The following MACF1 variants were observed in gnomAD, a reference collection of about 807,000 sequenced individuals.
MACF1 encodes the protein microtubule actin crosslinking factor 1, also known as microtubule-actin cross-linking factor 1.
In MACF1, 193 loss-of-function variants were observed where a neutral mutation model predicts 854.8. That is an observed-to-expected ratio of 0.23 (90% CI 0.20 to 0.25). The LOEUF is 0.25. Among genes scored for constraint, MACF1 ranks in the 10% least tolerant of loss-of-function variants. The pLI, the probability that MACF1 is intolerant of heterozygous loss-of-function variation, is 1.00. For synonymous variants in MACF1, 3,185 were observed against 3,226.7 expected, an observed-to-expected ratio of 0.99 and a Z score of 0.44; for missense variants, 7,722 against 8,929.1, an observed-to-expected ratio of 0.86 and a Z score of 5.45.
At chr1:39,287,589 A>G (rs1452173703) in intron 15 of MACF1, 27 bp downstream of exon 15, 2 of 1,612,070 alleles carry the variant, frequency 1.2e-6, no homozygotes. Context: ...AAGCTTATGC[A>G]GTACACTGAT....
At chr1:39,253,271 G>A (rs12073705) in intron 4 of MACF1, among the ~76,000 whole-genome samples, 4,707 of 152,120 alleles carry the variant, frequency 0.031, 238 homozygotes, top group African/African-American at 0.11. Context: ...ATGACATCTG[G>A]GATTGAGTGA....
Position 39,379,205 on chromosome 1 carries a change from C to T in MACF1, c.13279C>T (p.Leu4427=), listed in dbSNP as rs1177216503. 8.3e-5 allele frequency: 132 copies of T among 1,591,694 alleles called. No individual in the cohort carries two copies. The highest frequency in any genetic ancestry group is 1.1e-4 in the Non-Finnish European group (131 of 1,169,054). The stretch of plus-strand genomic sequence containing the variant: ...GATTTCTGTTTCTATGATACTAGAT[C>T]TGACGGAGATCCAGTGTGACATGTC... ...SVNGYHTCKD[L]TEIQCDMSDV... The change falls in exon 54 of 101, where the codon CTG becomes TTG. Residue 4427 remains leucine (L), a splice_region_variant and synonymous_variant. Transcript: ENST00000564288.
chr1:39,454,842 A>G, intron 88 of MACF1, 67 bp from the exon 89 acceptor site: 1 of 1,386,064 alleles, frequency 7.2e-7, no homozygotes, highest in Non-Finnish European at 9.9e-7. Context: ...TCAGATGAAA[A>G]AGGGCTTTGG....
Position 39,332,900 on chromosome 1 carries a change from G to A in MACF1, c.6312G>A (p.Glu2104=). ...ALKVINKVKL[E]VQRQLIGTQR... is the part of the protein sequence containing the mutation. ...AGGTAATAAATAAAGTCAAATTAGAGGTACAAAGGCAGTTGATAGGTACCC... is the reference window on the plus strand; with the variant it reads ...AGGTAATAAATAAAGTCAAATTAGAAGTACAAAGGCAGTTGATAGGTACCC... The change falls in exon 37 of 101, where the codon GAG becomes GAA. Residue 2104 remains glutamate (E), a synonymous_variant. Transcript: ENST00000564288. 1.2e-6 allele frequency: 2 copies of A among 1,614,056 alleles called. No individual in the cohort carries two copies. Among genetic ancestry groups the A allele is most frequent in the African/African-American group, 1.3e-5 (1 of 75,024 alleles).
At chr1:39,482,132 T>G (rs1242984205) in intron 99 of MACF1, among the ~76,000 whole-genome samples, 1 of 152,222 alleles carries the variant, frequency 6.6e-6, no homozygotes, top group African/African-American at 2.4e-5. Flanking sequence ...TTTTATTTTC[T>G]GTTTCATTTC....
chr1:39,102,440 G>GGGTCAA (rs1553130734), intron 2 of MACF1, among the ~76,000 whole-genome samples: 9 of 151,664 alleles, frequency 5.9e-5, no homozygotes, highest in Non-Finnish European at 1.0e-4. Context: ...GAGGCGGGGG[G>GGGTCAA]GGGGTCAAGG....
At chr1:39,183,761 C>G (rs542873345) in intron 2 of MACF1, among the ~76,000 whole-genome samples, 3 of 152,272 alleles carry the variant, frequency 2.0e-5, no homozygotes, top group African/African-American at 7.2e-5. Context: ...TCACTTCTTT[C>G]ATCATTTGCC....
rs551395020 is a variant in MACF1, at chr1:39,215,767, T to C, written c.109+10636T>C. Among the ~76,000 whole-genome samples, 12 of 146,760 alleles carry C rather than the reference T, an allele frequency of 8.2e-5. No individual in the cohort carries two copies. The South Asian group carries it at 2.3e-3, about 28-fold the overall frequency. The stretch of plus-strand genomic sequence containing the variant: ...TCCAGAGTGTATTTTTAGCAGAAGT[T>C]GGTTGGTTACGGAGTCCACCTCTGA... On this transcript the variant is annotated intron_variant, in intron 1 of 100. Coordinates refer to ENST00000564288, the MANE Select transcript of MACF1 (RefSeq NM_001394062.1).
At chr1:39,086,211 A>G (rs770644853) in intron 2 of MACF1, among the ~76,000 whole-genome samples, 1 of 152,186 alleles carries the variant, frequency 6.6e-6, no homozygotes, top group Non-Finnish European at 1.5e-5. Flanking sequence ...TGAGGATATT[A>G]TGTGATGTGA....
At chr1:39,295,445 G>C (rs531246487) in intron 19 of MACF1, among the ~76,000 whole-genome samples, 3 of 152,250 alleles carry the variant, frequency 2.0e-5, no homozygotes, top group Non-Finnish European at 4.4e-5. Context: ...GACAGATCCT[G>C]ACTTGACTCT....
At chr1:39,372,083 T>G (rs1200298089) in intron 51 of MACF1, among the ~76,000 whole-genome samples, 1 of 152,160 alleles carries the variant, frequency 6.6e-6, no homozygotes, top group African/African-American at 2.4e-5. Context: ...CCTCCCAAAG[T>G]GCTGGGATTA....
chr1:39,433,877 C>T (rs1318218068), intron 68 of MACF1, among the ~76,000 whole-genome samples: 2 of 152,036 alleles, frequency 1.3e-5, no homozygotes, highest in African/African-American at 2.4e-5. Flanking sequence ...GTCAGGAGTT[C>T]GAGACCAGCC....
chr1:39,418,207 G>A (rs1459498185), intron 58 of MACF1, among the ~76,000 whole-genome samples: 5 of 152,134 alleles, frequency 3.3e-5, no homozygotes, highest in African/African-American at 9.7e-5. Flanking sequence ...CAGTGGAGTG[G>A]ATAGTATAAA....
chr1:39,199,165 T>G (rs1046923100), intron 2 of MACF1, among the ~76,000 whole-genome samples: 12 of 151,792 alleles, frequency 7.9e-5, no homozygotes, highest in Non-Finnish European at 1.8e-4. Flanking sequence ...TTTTGTATTT[T>G]TAGTAGAGAT....
chr1:39,297,477 G>A, intron 20 of MACF1, 143 bp from the exon 21 acceptor site: 3 of 982,436 alleles, frequency 3.1e-6, no homozygotes, highest in Non-Finnish European at 4.5e-6. Context: ...ATGTTTCAGT[G>A]GTCCTTGTAA....
At chr1:39,453,957 A>C in intron 88 of MACF1, 107 bp downstream of exon 88, 2 of 1,329,798 alleles carry the variant, frequency 1.5e-6, no homozygotes, top group South Asian at 1.5e-5. Flanking sequence ...ACTGTGAATA[A>C]CTCAGCAAAA....
chr1:39,290,597 G>GT (rs71060306), intron 15 of MACF1, among the ~76,000 whole-genome samples: 100 of 118,366 alleles, frequency 8.4e-4, no homozygotes, highest in African/African-American at 2.4e-3. Context: ...GGGTAAATCT[G>GT]TTTTTTTTTT....
intron 72 of MACF1, among the ~76,000 whole-genome samples, chr1:39,440,076 TTTTTCTTTTCTTTTCTTTTC>T (rs752417043): frequency 7.8e-6 from 1 of 127,792 alleles, no homozygotes; most frequent in Non-Finnish European, 1.6e-5. Context: ...TTTGGTGCTA[TTTTTCTTTTCTTTTCTTTTC>T]TTTTCTTTTC....
intron 35 of MACF1, 131 bp from the exon 36 acceptor site, chr1:39,327,087 C>T: frequency 1.1e-6 from 1 of 895,828 alleles, no homozygotes; most frequent in Non-Finnish European, 1.6e-6. Context: ...GACTGAAATG[C>T]CAAAGTCTCC....
Sources: allele counts gnomAD v4.1 joint callset (sites outside exome capture counted in the v4.1 genomes callset), GRCh38; gene constraint gnomAD v4.1.1; transcripts MANE v1.5; gene names NCBI Gene and HGNC (gene_info 2026-07-23, HGNC 2026-07-21).